ERAP2: variants seen among roughly 807,000 people sequenced by gnomAD.
The protein encoded by ERAP2 is endoplasmic reticulum aminopeptidase 2.
In ERAP2, 118 loss-of-function variants were observed where a neutral mutation model predicts 111.1. That is an observed-to-expected ratio of 1.06 (90% CI 0.92 to 1.24). ERAP2 has a LOEUF of 1.24. Ranked by LOEUF, ERAP2 falls within the 50% of genes most tolerant of loss-of-function variation. The pLI, the probability that ERAP2 is intolerant of heterozygous loss-of-function variation, is 0.00. For synonymous variants in ERAP2, 410 were observed against 401.2 expected (o/e 1.02, Z -0.26); for missense variants, 1,131 against 1,125.8 (o/e 1.00, Z -0.07).
At chr5:96,883,202 C>A (rs759915171) in intron 2 of ERAP2, among the ~76,000 whole-genome samples, 1 of 152,260 alleles carries the variant, frequency 6.6e-6, no homozygotes, top group South Asian at 2.1e-4. Context: ...CCCAGAGCTC[C>A]CTGGGAATCA....
At chr5:96,888,202 A>G (rs1312471578) in intron 4 of ERAP2, among the ~76,000 whole-genome samples, 1 of 151,836 alleles carries the variant, frequency 6.6e-6, no homozygotes. Context: ...TACAATTTAC[A>G]TATGTATTAT....
chr5:96,885,888 C>T lies in ERAP2; in HGVS notation c.715-767C>T, dbSNP rs377668743. 1.8e-4 allele frequency among the ~76,000 whole-genome samples: 27 copies of T among 152,306 alleles called. No homozygotes were observed. The South Asian group carries it at 2.1e-3, about 12-fold the overall frequency. On this transcript the variant is annotated intron_variant, in intron 3 of 18. Coordinates refer to ENST00000437043, the MANE Select transcript of ERAP2 (RefSeq NM_022350.5). ...CAGTGATCTTGATAGATGCAGCTGA[C>T]GAGACTGCAGGCTGAAAAGTTTCTG...
intron 7 of ERAP2, among the ~76,000 whole-genome samples, chr5:96,895,777 G>C (rs1012485126): frequency 1.3e-5 from 2 of 152,200 alleles, no homozygotes; most frequent in African/African-American, 4.8e-5. Flanking sequence ...TCCCCAAAAT[G>C]TGTGAAGGGA....
intron 2 of ERAP2, among the ~76,000 whole-genome samples, chr5:96,883,281 C>G (rs1205887621): frequency 6.6e-6 from 1 of 152,172 alleles, no homozygotes; most frequent in Non-Finnish European, 1.5e-5. Flanking sequence ...TCCTGCTTCC[C>G]TCACTCCCTT....
chr5:96,891,572 TACACAC>T (rs1319654321), intron 5 of ERAP2, among the ~76,000 whole-genome samples: 18 of 133,230 alleles, frequency 1.4e-4, no homozygotes, highest in Admixed American at 7.3e-4. Flanking sequence ...ACATATATGG[TACACAC>T]ACACACACAC....
In ERAP2 at chr5:96,898,748, AAAAC is replaced by A. The variant is rs558279173; in HGVS notation, c.1504-1357_1504-1354del. 3.7e-3 allele frequency among the ~76,000 whole-genome samples: 564 copies of A among 152,154 alleles called. 2 individuals carry two copies. Among genetic ancestry groups the A allele is most frequent in the Non-Finnish European group, 5.1e-3 (348 of 67,988 alleles). Reference sequence around the variant, plus strand: ...GTGAGACTCTGTCTTAAAACAAAACAAAACAAACAAACAAACAAAAAACATATAA... The same window carrying A: ...GTGAGACTCTGTCTTAAAACAAAACAAAACAAACAAACAAAAAACATATAA... On this transcript the variant is annotated intron_variant, in intron 9 of 18. Transcript: ENST00000437043.
chr5:96,915,541 A>G, intron 17 of ERAP2, 147 bp from the exon 18 acceptor site: 1 of 418,956 alleles, frequency 2.4e-6, no homozygotes, highest in Non-Finnish European at 4.2e-6. Context: ...GTACTGGATG[A>G]ATGTTATTAT....
At position 96,886,648 on chromosome 5, in the gene ERAP2, T is replaced by A; in HGVS notation, c.715-7T>A. On this transcript the variant is annotated splice_polypyrimidine_tract_variant and splice_region_variant and intron_variant, in intron 3 of 18. Coordinates refer to ENST00000437043, the MANE Select transcript of ERAP2 (RefSeq NM_022350.5). ...CAAGTACTGATTATTCCTTTTCCTT[T>A]CTGTAGGTTAAGACAATTGAACTTG... 3.3e-6 allele frequency: 5 copies of A among 1,500,818 alleles called. No homozygotes were observed. Among genetic ancestry groups the A allele is most frequent in the Non-Finnish European group, 4.5e-6 (5 of 1,106,336 alleles). The allele number at this position is 1,500,818 out of a possible 1,614,324, so 93.0% of individuals were successfully genotyped here.
intron 6 of ERAP2, 67 bp downstream of exon 6, chr5:96,892,520 C>G: frequency 6.4e-7 from 1 of 1,562,712 alleles, no homozygotes; most frequent in South Asian, 1.1e-5. Flanking sequence ...CACGACCAAT[C>G]TTCCTGAAAC....
At chr5:96,880,709 G>T (rs1280338597) in intron 2 of ERAP2, among the ~76,000 whole-genome samples, 1 of 152,186 alleles carries the variant, frequency 6.6e-6, no homozygotes, top group African/African-American at 2.4e-5. Flanking sequence ...CAAGGAACTA[G>T]TTTGGAAAAT....
chr5:96,899,001 C>T (rs1476927037), intron 9 of ERAP2, among the ~76,000 whole-genome samples: 3 of 152,112 alleles, frequency 2.0e-5, no homozygotes, highest in African/African-American at 4.8e-5. Context: ...GGTGTGCATA[C>T]TGGCAGTAGA....
At chr5:96,914,412 C>T (rs1199704803) in intron 17 of ERAP2, among the ~76,000 whole-genome samples, 2 of 152,156 alleles carry the variant, frequency 1.3e-5, no homozygotes, top group African/African-American at 4.8e-5. Flanking sequence ...CTCCCAAATG[C>T]TCAAGGAGTT....
At chr5:96,886,314 G>A (rs1783703890) in intron 3 of ERAP2, among the ~76,000 whole-genome samples, 1 of 152,214 alleles carries the variant, frequency 6.6e-6, no homozygotes, top group South Asian at 2.1e-4. Context: ...TTACTTAAAA[G>A]CACAGAAGTT....
intron 4 of ERAP2, among the ~76,000 whole-genome samples, chr5:96,888,970 T>C (rs1784048936): frequency 6.6e-6 from 1 of 152,188 alleles, no homozygotes; most frequent in Non-Finnish European, 1.5e-5. Flanking sequence ...AGGAAATGGA[T>C]TGTAACAGAA....
intron 1 of ERAP2, among the ~76,000 whole-genome samples, chr5:96,878,688 G>A (rs1782818851): frequency 6.6e-6 from 1 of 152,132 alleles, no homozygotes; most frequent in Non-Finnish European, 1.5e-5. Context: ...AGCACTTTGG[G>A]AGGCTGAGGC....
Position 96,892,346 on chromosome 5 carries a change from G to A in ERAP2, c.1018G>A (p.Gly340Ser). 1 of 1,613,778 alleles carries A rather than the reference G, an allele frequency of 6.2e-7. No homozygotes were observed. The highest frequency in any genetic ancestry group is 8.5e-7 in the Non-Finnish European group (1 of 1,179,864). The part of the protein sequence containing the change: ...DFAPGAMENW[G>S]LITYRETSLL... ...TGCACCTGGAGCCATGGAAAATTGG[G>A]GCCTCATTACATATAGGGAGACGTC... Residue 340 changes from glycine to serine, a missense_variant, in exon 6 of 19, where the codon GGC (glycine) becomes AGC (serine). Physicochemically the swap from Gly to Ser is moderately conservative, Grantham distance 56. Transcript: ENST00000437043.
At chr5:96,916,728 G>A (rs2927608) in intron 18 of ERAP2, among the ~76,000 whole-genome samples, 62,882 of 150,638 alleles carry the variant, frequency 0.42, 13,192 homozygotes, top group East Asian at 0.44. Context: ...TTGGCCTCCC[G>A]AAGTGCTGGG....
At position 96,909,028 on chromosome 5, in the gene ERAP2, C is replaced by G. The variant is rs1561394730; in HGVS notation, c.2080C>G (p.Pro694Ala). ...CTACCTCCAACATGAAACAAGCAGC[C>G]CCGCACTTCTCGAAGGTCTGAGTTA... Reference protein sequence around the residue: ...TYYLQHETSSPALLEGLSYLE... With the variant: ...TYYLQHETSSAALLEGLSYLE... Residue 694 changes from proline (P) to alanine (A), a missense_variant, in exon 14 of 19, where the codon CCC (proline) becomes GCC (alanine). Pro to Ala is a conservative substitution (Grantham distance 27, BLOSUM62 -1). This residue lies in a region of ERAP2 where 847 missense variants were observed against 856.5 expected (regional missense o/e 0.99). Transcript: ENST00000437043. 6.2e-7 allele frequency: 1 copy of G among 1,614,148 alleles called. No homozygotes were observed. The highest frequency in any genetic ancestry group is 1.7e-5 in the Admixed American group (1 of 60,024).
chr5:96,898,302 A>G (rs1785070452), intron 9 of ERAP2, among the ~76,000 whole-genome samples: 2 of 152,144 alleles, frequency 1.3e-5, no homozygotes, highest in African/African-American at 2.4e-5. Context: ...GTGCCCTTAT[A>G]AAGCACACTT....
Sources: allele counts gnomAD v4.1 joint callset (sites outside exome capture counted in the v4.1 genomes callset), GRCh38; gene constraint gnomAD v4.1.1; regional missense constraint gnomAD v4.1.1; transcripts MANE v1.5; gene names NCBI Gene and HGNC (gene_info 2026-07-23, HGNC 2026-07-21).